STXBP5L: variants seen among roughly 807,000 people sequenced by gnomAD.
STXBP5L encodes syntaxin binding protein 5L, also known as syntaxin-binding protein 5-like.
In STXBP5L, 65 loss-of-function variants were observed where a neutral mutation model predicts 144.5. The observed-to-expected ratio is 0.45, with a 90% CI of 0.37 to 0.55. The LOEUF is 0.55. STXBP5L is among the 20% of genes least tolerant of loss of function. The probability of loss-of-function intolerance (pLI) is 0.00; values close to 1 mark genes in which losing one functional copy is unlikely to be tolerated. For missense variants in STXBP5L, 1,298 were observed against 1,405.5 expected, an observed-to-expected ratio of 0.92 and a Z score of 1.22; for synonymous variants, 505 against 469.6, an observed-to-expected ratio of 1.08 and a Z score of -0.97.
At chr3:121,287,731 A>G (rs1222117279) in intron 19 of STXBP5L, among the ~76,000 whole-genome samples, 1 of 152,108 alleles carries the variant, frequency 6.6e-6, no homozygotes, top group Non-Finnish European at 1.5e-5. Context: ...CAGGAGGCTG[A>G]GGCAGGAGAA....
rs186689538 is a variant in STXBP5L, at chr3:121,203,811, A to C, written c.878-2112A>C. ...AATTAATGGTTTGACAATTTAGTGA[A>C]GTGCTGGATGGAAAAGACATATAAA... is the stretch of plus-strand genomic sequence containing the variant. On this transcript the variant is annotated intron_variant, in intron 9 of 26. Transcript: ENST00000471454. 1.6e-3 allele frequency among the ~76,000 whole-genome samples: 244 copies of C among 152,348 alleles called. 3 individuals carry two copies. The highest frequency in any genetic ancestry group is 3.1e-4 in the Non-Finnish European group (21 of 68,034).
chr3:121,292,126 A>T (rs1212042377), intron 19 of STXBP5L, among the ~76,000 whole-genome samples: 1 of 152,198 alleles, frequency 6.6e-6, no homozygotes, highest in African/African-American at 2.4e-5. Flanking sequence ...ACAGAGTGGG[A>T]GAAAATTTTC....
At chr3:121,054,182 G>T (rs1948261703) in intron 5 of STXBP5L, among the ~76,000 whole-genome samples, 3 of 152,150 alleles carry the variant, frequency 2.0e-5, no homozygotes, top group South Asian at 4.1e-4. Context: ...AGTCAGTGTG[G>T]CGATTCCTCA....
intron 20 of STXBP5L, among the ~76,000 whole-genome samples, chr3:121,348,853 T>C (rs1043269545): frequency 6.6e-6 from 1 of 152,062 alleles, no homozygotes; most frequent in Non-Finnish European, 1.5e-5. Flanking sequence ...TCTCTTTTCT[T>C]CTTTATTATT....
At chr3:121,394,496 G>A (rs1358566114) in intron 22 of STXBP5L, among the ~76,000 whole-genome samples, 4 of 151,756 alleles carry the variant, frequency 2.6e-5, no homozygotes, top group Non-Finnish European at 1.5e-5. Flanking sequence ...TTTTTAGAGG[G>A]AATGCTTTCA....
intron 2 of STXBP5L, chr3:120,924,677 C>T (rs470502): frequency 0.21 from 32,472 of 152,004 alleles, 3,700 homozygotes; most frequent in Non-Finnish European, 0.26. Flanking sequence ...TACATCCTTA[C>T]AGTCTACCTC....
chr3:121,113,792 C>T (rs1250663035), intron 5 of STXBP5L, among the ~76,000 whole-genome samples: 1 of 150,634 alleles, frequency 6.6e-6, no homozygotes, highest in Non-Finnish European at 1.5e-5. Context: ...CCTGCCTCAG[C>T]CTCCCAAGTA....
chr3:121,188,024 G>A (rs1397523301), intron 9 of STXBP5L, among the ~76,000 whole-genome samples: 3 of 151,860 alleles, frequency 2.0e-5, no homozygotes, highest in Admixed American at 6.6e-5. Flanking sequence ...AGGAGCACCC[G>A]GATTCATAAA....
intron 3 of STXBP5L, among the ~76,000 whole-genome samples, chr3:121,025,481 A>G (rs1354051456): frequency 2.0e-5 from 3 of 152,156 alleles, no homozygotes; most frequent in Admixed American, 1.3e-4. Context: ...GAGTTCTCAT[A>G]TAGCAATTAT....
chr3:120,929,598 T>C (rs1349239635), intron 2 of STXBP5L, among the ~76,000 whole-genome samples: 1 of 152,152 alleles, frequency 6.6e-6, no homozygotes, highest in Non-Finnish European at 1.5e-5. Context: ...CGAACATCTG[T>C]GGGCATTAAA....
chr3:121,181,353 A>C (rs1413835862), intron 9 of STXBP5L, among the ~76,000 whole-genome samples: 1 of 151,978 alleles, frequency 6.6e-6, no homozygotes, highest in African/African-American at 2.4e-5. Flanking sequence ...AGAGGAGAGG[A>C]GTAGTACCTC....
chr3:121,138,190 G>T (rs9882608), intron 7 of STXBP5L, among the ~76,000 whole-genome samples: 5 of 151,644 alleles, frequency 3.3e-5, no homozygotes, highest in African/African-American at 1.2e-4. Context: ...AAAAAACTGG[G>T]AATAAATTTA....
At chr3:121,245,686 G>A (rs2108349758) in intron 14 of STXBP5L, among the ~76,000 whole-genome samples, 1 of 151,592 alleles carries the variant, frequency 6.6e-6, no homozygotes, top group Non-Finnish European at 1.5e-5. Context: ...AACTCACAAG[G>A]GACAAAGAAA....
intron 2 of STXBP5L, among the ~76,000 whole-genome samples, chr3:120,937,530 G>T (rs1221716074): frequency 2.0e-5 from 3 of 152,114 alleles, no homozygotes; most frequent in Non-Finnish European, 4.4e-5. Flanking sequence ...TTCTGCTCAG[G>T]TATGTTGTGA....
chr3:120,977,052 C>T (rs9829791), intron 3 of STXBP5L, among the ~76,000 whole-genome samples: 15,055 of 152,064 alleles, frequency 0.099, 1,171 homozygotes, highest in Admixed American at 0.2. Context: ...CTGTAGATGT[C>T]TATTAGGTCC....
chr3:121,304,321 C>T (rs1011998268), intron 19 of STXBP5L, among the ~76,000 whole-genome samples: 1 of 152,098 alleles, frequency 6.6e-6, no homozygotes, highest in Middle Eastern at 3.4e-3. Context: ...ACTGACAGAA[C>T]AAATAGACAA....
intron 22 of STXBP5L, 106 bp downstream of exon 22, chr3:121,381,638 T>C (rs1367450929): frequency 2.1e-6 from 3 of 1,405,628 alleles, no homozygotes; most frequent in African/African-American, 3.0e-5. Flanking sequence ...GTTATAAGTA[T>C]TCTGCACAAT....
intron 25 of STXBP5L, 132 bp from the exon 26 acceptor site, chr3:121,418,205 G>A: frequency 9.5e-7 from 1 of 1,051,590 alleles, no homozygotes; most frequent in Non-Finnish European, 1.4e-6. Context: ...ATATATGACT[G>A]GACCAAATAA....
chr3:121,238,913 A>T, intron 12 of STXBP5L, 58 bp from the exon 13 acceptor site: 2 of 1,431,810 alleles, frequency 1.4e-6, no homozygotes, highest in Non-Finnish European at 1.9e-6. Context: ...CTTTATCAAA[A>T]TTATTTTCTG....
Sources: gnomAD v4.1 joint callset for allele counts (sites outside exome capture counted in the v4.1 genomes callset) on GRCh38, gnomAD v4.1.1 for gene constraint, MANE v1.5 for transcripts, NCBI Gene and HGNC (gene_info 2026-07-23, HGNC 2026-07-21) for gene names.